Variants in GFRA1 observed in about 807,000 individuals in gnomAD.
GFRA1 encodes GDNF family receptor alpha 1, also known as GDNF family receptor alpha-1.
In GFRA1, 16 loss-of-function variants were observed where a neutral mutation model predicts 51.6. The ratio of observed to expected loss-of-function variants is 0.31; its 90% CI spans 0.21 to 0.47. GFRA1 has a LOEUF of 0.47. GFRA1 is among the 20% of genes least tolerant of loss of function. GFRA1 has a pLI of 1.00. For missense variants in GFRA1, 530 were observed against 594.3 expected, an observed-to-expected ratio of 0.89 and a Z score of 1.13; for synonymous variants, 270 against 241.3, an observed-to-expected ratio of 1.12 and a Z score of -1.10.
chr10:116,131,587 G>C (rs1383239759), intron 5 of GFRA1, among the ~76,000 whole-genome samples: 1 of 152,040 alleles, frequency 6.6e-6, no homozygotes, highest in South Asian at 2.1e-4. Flanking sequence ...AATAAGAAGA[G>C]ATGAACTGTT....
chr10:116,131,101 C>T (rs1958085571), intron 5 of GFRA1, among the ~76,000 whole-genome samples: 1 of 152,080 alleles, frequency 6.6e-6, no homozygotes, highest in Admixed American at 6.6e-5. Flanking sequence ...TAAACATGGG[C>T]CAAATCTTTG....
At chr10:116,221,673 C>G (rs1965935624) in intron 4 of GFRA1, among the ~76,000 whole-genome samples, 1 of 152,100 alleles carries the variant, frequency 6.6e-6, no homozygotes, top group South Asian at 2.1e-4. Context: ...GATCTGCCCA[C>G]CCTGGCCTCT....
chr10:116,238,878 T>C (rs916680550), intron 4 of GFRA1, among the ~76,000 whole-genome samples: 14 of 152,212 alleles, frequency 9.2e-5, no homozygotes, highest in African/African-American at 3.1e-4. Context: ...TTATTAGCTA[T>C]AGGATTAGCA....
chr10:116,196,547 AT>A (rs1268050138), intron 5 of GFRA1, among the ~76,000 whole-genome samples: 17 of 117,898 alleles, frequency 1.4e-4, no homozygotes, highest in African/African-American at 4.5e-4. Context: ...ATTTATATAT[AT>A]TTTTATATAT....
At chr10:116,222,610 A>T (rs1330513662) in intron 4 of GFRA1, among the ~76,000 whole-genome samples, 4 of 152,210 alleles carry the variant, frequency 2.6e-5, no homozygotes, top group African/African-American at 9.7e-5. Context: ...GCTGTTGTGA[A>T]GATTACAGGA....
At position 116,102,584 on chromosome 10, in the gene GFRA1, A is replaced by C. The variant is rs369604692; in HGVS notation, c.771-5820T>G. Among the ~76,000 whole-genome samples, 416 of 152,346 alleles carry C rather than the reference A, an allele frequency of 2.7e-3. 1 individual carries two copies. The highest frequency in any genetic ancestry group is 9.6e-3 in the African/African-American group (401 of 41,574). On this transcript the variant is annotated intron_variant, in intron 6 of 10. Transcript: ENST00000355422. ...CAGTTCCACATGGTGCGGAGGTCTC[A>C]CAATCATGGCAGAAGGTGAAAGCCA...
At position 116,268,622 on chromosome 10, in the gene GFRA1, A is replaced by C. The variant is rs1006816797; in HGVS notation, c.418+881T>G. ...TTTAGAACACCAAGACACTCTCATC[A>C]GTTACAAACCATAATCTCATAGAAT... On this transcript the variant is annotated intron_variant, in intron 4 of 10. Transcript: ENST00000355422. Among the ~76,000 whole-genome samples, 5 of 152,188 alleles carry C rather than the reference A, an allele frequency of 3.3e-5. No homozygotes were observed. In the South Asian group the frequency reaches 1.0e-3, roughly 31 times the overall value.
At chr10:116,222,191 C>CTTTA (rs1025448102) in intron 4 of GFRA1, among the ~76,000 whole-genome samples, 55 of 152,044 alleles carry the variant, frequency 3.6e-4, no homozygotes, top group African/African-American at 6.3e-4. Context: ...TTCTTTTCTT[C>CTTTA]TTTATTTATT....
At chr10:116,123,881 G>A (rs996571911) in intron 6 of GFRA1, among the ~76,000 whole-genome samples, 2 of 152,118 alleles carry the variant, frequency 1.3e-5, no homozygotes, top group Non-Finnish European at 2.9e-5. Context: ...CTCTACCTAC[G>A]TCTATATTGC....
chr10:116,123,629 T>C (rs956372687), intron 6 of GFRA1, among the ~76,000 whole-genome samples: 1 of 152,160 alleles, frequency 6.6e-6, no homozygotes, highest in Non-Finnish European at 1.5e-5. Context: ...GGGGAACCAA[T>C]AGGAAACAAG....
chr10:116,202,525 G>A (rs1255954909), intron 5 of GFRA1, among the ~76,000 whole-genome samples: 3 of 152,078 alleles, frequency 2.0e-5, no homozygotes, highest in African/African-American at 2.4e-5. Flanking sequence ...AGAACTAACC[G>A]AGACTGGGTA....
intron 9 of GFRA1, among the ~76,000 whole-genome samples, chr10:116,087,031 G>A (rs1565564236): frequency 6.6e-6 from 1 of 152,040 alleles, no homozygotes; most frequent in Non-Finnish European, 1.5e-5. Context: ...TTGGCCAGGC[G>A]GTCACAAACT....
At chr10:116,197,097 G>A (rs1041161450) in intron 5 of GFRA1, among the ~76,000 whole-genome samples, 10 of 151,930 alleles carry the variant, frequency 6.6e-5, no homozygotes, top group African/African-American at 2.4e-4. Context: ...TTCCTCTCAA[G>A]ATCCTTCATT....
intron 5 of GFRA1, among the ~76,000 whole-genome samples, chr10:116,181,445 C>A (rs1210444823): frequency 6.6e-6 from 1 of 152,144 alleles, no homozygotes; most frequent in Non-Finnish European, 1.5e-5. Context: ...GGAGGAAGGC[C>A]CAGCTCTGCC....
chr10:116,120,368 C>T (rs1417069594), intron 6 of GFRA1, among the ~76,000 whole-genome samples: 1 of 151,964 alleles, frequency 6.6e-6, no homozygotes, highest in Non-Finnish European at 1.5e-5. Flanking sequence ...GCCAGGAGCC[C>T]AAGAGCGGCC....
chr10:116,088,551 C>T (rs1428024240), intron 9 of GFRA1, among the ~76,000 whole-genome samples: 4 of 152,016 alleles, frequency 2.6e-5, no homozygotes, highest in Admixed American at 6.6e-5. Context: ...TGTCCTCAAA[C>T]GAAAGAAGCT....
At chr10:116,267,944 C>G (rs1589926501) in intron 4 of GFRA1, among the ~76,000 whole-genome samples, 1 of 37,698 alleles carries the variant, frequency 2.7e-5, no homozygotes, top group Non-Finnish European at 1.3e-4. Flanking sequence ...CAGACTAACA[C>G]ACACACACAC....
intron 5 of GFRA1, among the ~76,000 whole-genome samples, chr10:116,170,411 G>T (rs899512189): frequency 1.3e-5 from 2 of 152,172 alleles, no homozygotes; most frequent in African/African-American, 4.8e-5. Context: ...TAAAATGCCT[G>T]TAATATGACC....
chr10:116,071,350 T>C (rs183116135), intron 9 of GFRA1, among the ~76,000 whole-genome samples: 11 of 152,352 alleles, frequency 7.2e-5, no homozygotes, highest in African/African-American at 2.4e-4. Flanking sequence ...GTAAAGGTAT[T>C]TCACTCAGCA....
Sources: allele counts gnomAD v4.1 joint callset (sites outside exome capture counted in the v4.1 genomes callset), GRCh38; gene constraint gnomAD v4.1.1; transcripts MANE v1.5; gene names NCBI Gene and HGNC (gene_info 2026-07-23, HGNC 2026-07-21).